POLG: variants seen among roughly 807,000 people sequenced by gnomAD.
POLG encodes DNA polymerase gamma, catalytic subunit, also known as DNA polymerase subunit gamma-1.
In POLG, 110 loss-of-function variants were observed where a neutral mutation model predicts 155.4. The ratio of observed to expected loss-of-function variants is 0.71; its 90% confidence interval spans 0.61 to 0.83. The LOEUF (loss-of-function observed/expected upper bound fraction) is 0.83. POLG is among the 40% of genes least tolerant of loss of function. POLG has a pLI of 0.00. For synonymous variants in POLG, 701 were observed against 631.5 expected (o/e 1.11, Z -1.65); for missense variants, 1,685 against 1,627.5 (o/e 1.04, Z -0.61).
Position 89,327,166 on chromosome 15 carries a change from C to T in POLG, c.1433+1G>A, listed in dbSNP as rs771623994. 8.7e-6 allele frequency: 14 copies of T among 1,614,140 alleles called. No homozygotes were observed. In the African/African-American group the frequency reaches 1.5e-4, roughly 17 times the overall value. The stretch of plus-strand genomic sequence containing the variant: ...ATCCTGCCCACCCAAGGCCTGGCTA[C>T]CTCTCTCCTGAGAGCAGCTGGCAGG... On this transcript the variant is annotated splice_donor_variant, in intron 7 of 22. Transcript: ENST00000268124. LOFTEE classifies it high-confidence loss of function.
intron 14 of POLG, 36 bp downstream of exon 14, chr15:89,322,706 G>A (rs1158011622): frequency 6.2e-7 from 1 of 1,607,710 alleles, no homozygotes; most frequent in Non-Finnish European, 8.5e-7. Context: ...GAAGAGAGGG[G>A]AAAGGCATCC....
Position 89,322,881 on chromosome 15 carries a change from C to G in POLG, c.2287G>C (p.Gly763Arg), listed in dbSNP as rs1567187837. 6.2e-7 allele frequency: 1 copy of G among 1,613,212 alleles called. No homozygotes were observed. Among genetic ancestry groups the G allele is most frequent in the Non-Finnish European group, 8.5e-7 (1 of 1,179,892 alleles). ...PHKDGNSCNV[G>R]SPFAKDFLPK... Reference sequence around the variant, plus strand: ...AGGAAGTCCTTGGCAAAGGGGCTTCCCACATTACAGCTATTACCATCCTGG... The same window carrying G: ...AGGAAGTCCTTGGCAAAGGGGCTTCGCACATTACAGCTATTACCATCCTGG... The change falls in exon 14 of 23, where the codon GGA becomes CGA. Residue 763 changes from glycine (G) to arginine (R), a missense_variant. By Grantham distance (125) the Gly-to-Arg change is moderately radical (BLOSUM62 -2). Around this residue, in one of 3 missense-constraint regions of POLG, gnomAD observed 1,210 missense variants for 1,167.1 expected, o/e 1.04. Transcript: ENST00000268124.
rs2055552996 is a variant in POLG at position 89,328,555 on chromosome 15, A to G, written c.1171-20T>C. On this transcript the variant is annotated intron_variant, in intron 5 of 22. Transcript: ENST00000268124. ...CAGGTCCTGGCACAAGGTGACAGGA[A>G]GGCGCAAGGTGGGCAGCCATCCCAT... 6.2e-7 allele frequency: 1 copy of G among 1,611,984 alleles called. No homozygotes were observed. Among genetic ancestry groups the G allele is most frequent in the East Asian group, 2.2e-5 (1 of 44,872 alleles).
intron 14 of POLG, 143 bp from the exon 15 acceptor site, chr15:89,322,158 T>C: frequency 1.2e-6 from 1 of 817,558 alleles, no homozygotes; most frequent in Admixed American, 2.0e-5. Flanking sequence ...AGGTGAGCCC[T>C]GGCTCAGCCA....
rs1567189873 is a variant in POLG at position 89,325,225 on chromosome 15, AGTG to A, written c.1949+222_1949+224del. Among the ~76,000 whole-genome samples, 81 of 67,678 alleles carry A rather than the reference AGTG, an allele frequency of 1.2e-3. 18 individuals carry two copies. Among genetic ancestry groups the A allele is most frequent in the African/African-American group, 2.8e-3 (61 of 22,020 alleles). The allele number at this position is 67,678 out of a possible 152,430, so 44.4% of individuals were successfully genotyped here. The stretch of plus-strand genomic sequence containing the variant: ...GAGTGAGAGAGTGAGTGAGTGAGAG[AGTG>A]AGTGAGAGAGTGAGTGAGTGAGAGA... On this transcript the variant is annotated intron_variant, in intron 10 of 22. Transcript: ENST00000268124.
chr15:89,333,338 G>T lies in POLG; in HGVS notation c.417C>A (p.Phe139Leu). The change falls in exon 2 of 23, where the codon TTC becomes TTA. Residue 139 changes from phenylalanine to leucine, a missense_variant. This residue lies in a region of POLG where 1,210 missense variants were observed against 1,167.1 expected (regional missense o/e 1.04). Coordinates refer to ENST00000268124, the MANE Select transcript of POLG (RefSeq NM_002693.3). ...PLYGDNLDQH[F>L]RLLAQKQSLP... ...GGCTCTGCTTCTGGGCCAGGAGGCG[G>T]AAGTGCTGGTCCAGGTTGTCCCCGT... The T allele has an allele frequency of 6.4e-7, 1 of 1,563,410 alleles. No homozygotes were observed. Among genetic ancestry groups the T allele is most frequent in the Non-Finnish European group, 8.7e-7 (1 of 1,155,262 alleles).
In POLG at chr15:89,316,426, CAA is replaced by C. The variant is rs2152049557; in HGVS notation, c.*323_*324del. 1 of 1,611,792 alleles carries C rather than the reference CAA, an allele frequency of 6.2e-7. No individual in the cohort carries two copies. Among genetic ancestry groups the C allele is most frequent in the Non-Finnish European group, 8.5e-7 (1 of 1,178,658 alleles). On this transcript the variant is annotated 3_prime_UTR_variant, in exon 23 of 23. Transcript: ENST00000268124. Reference sequence around the variant, plus strand: ...CTGCATCAGAGCATGGGGGACAGAACAAAGAACCAGCCAAGAAGAAAAGGAAA... The same window carrying C: ...CTGCATCAGAGCATGGGGGACAGAACAGAACCAGCCAAGAAGAAAAGGAAA...
intron 12 of POLG, 151 bp downstream of exon 12, chr15:89,323,664 C>A: frequency 1.2e-6 from 1 of 823,906 alleles, no homozygotes; most frequent in Non-Finnish European, 2.1e-6. Context: ...TTTCTCCTTG[C>A]TCCAACACGT....
intron 13 of POLG, 151 bp from the exon 14 acceptor site, chr15:89,323,053 GCGCACGCA>G (rs750093261): frequency 1.7e-5 from 12 of 724,958 alleles, no homozygotes; most frequent in Non-Finnish European, 2.3e-5. Context: ...GCGCGCACGC[GCGCACGCA>G]CACACACACG....
At position 89,316,448 on chromosome 15, in the gene POLG, A is replaced by T; in HGVS notation, c.*303T>A. On this transcript the variant is annotated 3_prime_UTR_variant, in exon 23 of 23. Transcript: ENST00000268124. Reference sequence around the variant, plus strand: ...GAACAAAGAACCAGCCAAGAAGAAAAGGAAAAAATAAATGAAATGCCTGAG... The same window carrying T: ...GAACAAAGAACCAGCCAAGAAGAAATGGAAAAAATAAATGAAATGCCTGAG... 1 of 1,610,834 alleles carries T rather than the reference A, an allele frequency of 6.2e-7. No individual in the cohort carries two copies. The highest frequency in any genetic ancestry group is 1.3e-5 in the African/African-American group (1 of 74,882).
At chr15:89,321,897 T>C (rs370712401) in intron 15 of POLG, 44 bp from the exon 16 acceptor site, 2 of 1,606,466 alleles carry the variant, frequency 1.2e-6, no homozygotes, top group Non-Finnish European at 1.7e-6. Context: ...GCAGGGTGCT[T>C]TGGCCTTAGG....
rs1378199632 is a variant in POLG, at chr15:89,327,253, C to A, written c.1347G>T (p.Gln449His). Residue 449 changes from glutamine to histidine, a missense_variant, in exon 7 of 23, where the codon CAG becomes CAT. Gln to His is a conservative substitution (Grantham distance 24). Around this residue, in one of 3 missense-constraint regions of POLG, gnomAD observed 1,210 missense variants for 1,167.1 expected, o/e 1.04. Coordinates refer to ENST00000268124, the MANE Select transcript of POLG (RefSeq NM_002693.3). ...QNWERYLAEA[Q>H]GTYEELQREM... ...CCCGCTGGAGCTCCTCATAAGTGCC[C>A]TGTGCCTCTGCCAGGTAACGCTCCC... The A allele has an allele frequency of 6.2e-7, 1 of 1,614,236 alleles. No homozygotes were observed. The highest frequency in any genetic ancestry group is 1.1e-5 in the South Asian group (1 of 91,086).
At chr15:89,317,344 TG>T in intron 22 of POLG, 31 bp downstream of exon 22, 1 of 1,609,368 alleles carries the variant, frequency 6.2e-7, no homozygotes, top group Non-Finnish European at 8.5e-7. Context: ...TCAGATCCTA[TG>T]TGTAATGAGG....
chr15:89,318,192 A>G (rs2055332222), intron 21 of POLG, among the ~76,000 whole-genome samples: 1 of 152,102 alleles, frequency 6.6e-6, no homozygotes, highest in South Asian at 2.1e-4. Context: ...AAAGAAAAAC[A>G]AACATCTCAA....
At position 89,318,960 on chromosome 15, in the gene POLG, C is replaced by A. The variant is rs1237603598; in HGVS notation, c.3244G>T (p.Ala1082Ser). ...TPVLGCCISR[A>S]LEPSAVQEEF... ...TCCTGGACAGCCGAGGGCTCCAGGGCTCGGCTGATGCAGCAGCCCAGCACC... is the reference window on the plus strand; with the variant it reads ...TCCTGGACAGCCGAGGGCTCCAGGGATCGGCTGATGCAGCAGCCCAGCACC... Residue 1082 changes from alanine to serine, a missense_variant, in exon 20 of 23, where the codon GCC (alanine) becomes TCC (serine). Transcript: ENST00000268124. The A allele has an allele frequency of 6.2e-7, 1 of 1,614,164 alleles. No individual in the cohort carries two copies. Among genetic ancestry groups the A allele is most frequent in the South Asian group, 1.1e-5 (1 of 91,086 alleles).
chr15:89,322,540 A>T (rs552539525), intron 14 of POLG, among the ~76,000 whole-genome samples: 16 of 152,308 alleles, frequency 1.1e-4, no homozygotes, highest in Non-Finnish European at 2.4e-4. Flanking sequence ...TCATGGTCCT[A>T]CAGCACCATT....
At chr15:89,329,242 G>A in intron 3 of POLG, 132 bp from the exon 4 acceptor site, 3 of 728,708 alleles carry the variant, frequency 4.1e-6, no homozygotes, top group Non-Finnish European at 7.1e-6. Flanking sequence ...CCAGCACACA[G>A]CCTTCAACAC....
Position 89,316,796 on chromosome 15 carries a change from T to C in POLG, c.3675A>G (p.Glu1225=). ...GTTTTTCCAAGGAGCCTTTGGTGAG[T>C]TCAATTATCTGGTAAATATCCAGCG... ...GEALDIYQII[E]LTKGSLEKRS... is the part of the protein sequence containing the mutation. The change falls in exon 23 of 23, where the codon GAA becomes GAG. Residue 1225 remains glutamate, a synonymous_variant. Transcript: ENST00000268124. The C allele has an allele frequency of 6.2e-7, 1 of 1,613,868 alleles. No homozygotes were observed. The highest frequency in any genetic ancestry group is 8.5e-7 in the Non-Finnish European group (1 of 1,179,846).
chr15:89,321,341 C>CT, intron 16 of POLG, 81 bp from the exon 17 acceptor site: 1 of 1,520,942 alleles, frequency 6.6e-7, no homozygotes, highest in Non-Finnish European at 9.0e-7. Context: ...AGAGCTAGAG[C>CT]CTTTCCTGAG....
Sources: allele counts gnomAD v4.1 joint callset (sites outside exome capture counted in the v4.1 genomes callset), GRCh38; gene constraint gnomAD v4.1.1; regional missense constraint gnomAD v4.1.1; transcripts MANE v1.5; gene names NCBI Gene and HGNC (gene_info 2026-07-23, HGNC 2026-07-21).